The following NUMB variants were observed in gnomAD, a reference collection of about 807,000 sequenced individuals.
The protein encoded by NUMB is NUMB endocytic adaptor protein.
Under a neutral mutation model 59.7 loss-of-function variants are expected in NUMB, and 29 were observed. The observed-to-expected ratio is 0.49, with a 90% CI of 0.36 to 0.66. The LOEUF is 0.66. Ranked by LOEUF, NUMB falls within the 30% of genes least tolerant of loss-of-function variation. The probability of loss-of-function intolerance (pLI) is 0.00; values close to 1 mark genes in which losing one functional copy is unlikely to be tolerated. For missense variants in NUMB, 723 were observed against 822.0 expected (o/e 0.88, Z 1.47); for synonymous variants, 288 against 288.2 (o/e 1.00, Z 0.01).
chr14:73,282,835 T>A (rs1888722198), intron 10 of NUMB, among the ~76,000 whole-genome samples: 2 of 152,216 alleles, frequency 1.3e-5, no homozygotes, highest in Admixed American at 1.3e-4. Flanking sequence ...GCTAGCCAGA[T>A]CTTTGTAGAA....
Position 73,276,425 on chromosome 14 carries a change from C to A in NUMB, c.*153G>T, listed in dbSNP as rs1270487408. On this transcript the variant is annotated 3_prime_UTR_variant, in exon 13 of 13. Transcript: ENST00000555238. ...TTTTTCCCATGTCTTTCAAAATCAC[C>A]CCTCACAGTACTCTGGGCCTGGACT... 5.1e-6 allele frequency: 3 copies of A among 593,918 alleles called. No homozygotes were observed. Among genetic ancestry groups the A allele is most frequent in the Non-Finnish European group, 8.7e-6 (3 of 344,024 alleles). 36.8% of individuals were successfully genotyped at this position (593,918 alleles called of 1,614,324 possible). A position where few individuals can be genotyped will look rare whatever the true frequency, so the allele number is the denominator to read the frequency against.
intron 2 of NUMB, among the ~76,000 whole-genome samples, chr14:73,386,920 G>A (rs1895568565): frequency 8.5e-6 from 1 of 117,938 alleles, no homozygotes. Flanking sequence ...TCGCTCTGTC[G>A]CCCAGGCTGG....
At chr14:73,350,070 TACATACATACAC>T (rs1893147695) in intron 4 of NUMB, among the ~76,000 whole-genome samples, 2 of 110,292 alleles carry the variant, frequency 1.8e-5, no homozygotes, top group African/African-American at 7.9e-5. Context: ...TATACATACA[TACATACATACAC>T]ACACACACAC....
intron 2 of NUMB, among the ~76,000 whole-genome samples, chr14:73,385,701 C>G (rs1220668718): frequency 6.6e-5 from 10 of 151,646 alleles, no homozygotes; most frequent in African/African-American, 2.4e-4. Flanking sequence ...TGGGTTTCGT[C>G]ATGTTGGCCA....
At chr14:73,362,974 C>T (rs528172713) in intron 3 of NUMB, among the ~76,000 whole-genome samples, 2 of 150,860 alleles carry the variant, frequency 1.3e-5, no homozygotes, top group African/African-American at 4.9e-5. Flanking sequence ...CATAGTGAGA[C>T]CCTGTCTCTA....
chr14:73,427,217 G>A (rs1897621349), intron 1 of NUMB, among the ~76,000 whole-genome samples: 2 of 151,996 alleles, frequency 1.3e-5, no homozygotes, highest in South Asian at 2.1e-4. Context: ...GGTGGCTCAC[G>A]CCTGTAATCT....
At chr14:73,363,982 T>C in intron 3 of NUMB, among the ~76,000 whole-genome samples, 1 of 152,264 alleles carries the variant, frequency 6.6e-6, no homozygotes, top group East Asian at 1.9e-4. Flanking sequence ...TAAATCCAAC[T>C]GTATATTTTT....
chr14:73,421,904 C>T (rs1393474076), intron 1 of NUMB, among the ~76,000 whole-genome samples: 2 of 151,978 alleles, frequency 1.3e-5, no homozygotes, highest in Non-Finnish European at 2.9e-5. Flanking sequence ...TTTGGGAGGC[C>T]GAGGTGGGTG....
intron 12 of NUMB, among the ~76,000 whole-genome samples, chr14:73,279,080 C>T (rs1888422260): frequency 6.6e-6 from 1 of 152,196 alleles, no homozygotes; most frequent in Admixed American, 6.5e-5. Context: ...AGTCCTGTTC[C>T]ACAGTCCTAA....
chr14:73,351,380 G>A (rs1893250953), intron 4 of NUMB, among the ~76,000 whole-genome samples: 1 of 152,104 alleles, frequency 6.6e-6, no homozygotes, highest in South Asian at 2.1e-4. Context: ...GCTAAGGCAG[G>A]AGCATCATTT....
At chr14:73,330,949 A>G (rs907884696) in intron 4 of NUMB, among the ~76,000 whole-genome samples, 1 of 152,182 alleles carries the variant, frequency 6.6e-6, no homozygotes, top group African/African-American at 2.4e-5. Flanking sequence ...GGAAGCTGAC[A>G]ATACAACTCT....
intron 4 of NUMB, among the ~76,000 whole-genome samples, chr14:73,346,115 G>C (rs1225414828): frequency 6.6e-6 from 1 of 152,092 alleles, no homozygotes; most frequent in Non-Finnish European, 1.5e-5. Context: ...CTCACTTTGA[G>C]AAGCACTAGA....
At chr14:73,279,911 C>T (rs1310486960) in intron 11 of NUMB, among the ~76,000 whole-genome samples, 1 of 152,232 alleles carries the variant, frequency 6.6e-6, no homozygotes, top group Non-Finnish European at 1.5e-5. Context: ...AATCCCAGCA[C>T]TTTGGGAGGC....
At position 73,430,769 on chromosome 14, in the gene NUMB, G is replaced by A. The variant is rs530038504; in HGVS notation, c.-232-20701C>T. Reference sequence around the variant, plus strand: ...ATTCTGGCTAACACGGTGAAACCCCGTCTCTACTAGAAAAAAATACAAAAA... The same window carrying A: ...ATTCTGGCTAACACGGTGAAACCCCATCTCTACTAGAAAAAAATACAAAAA... On this transcript the variant is annotated intron_variant, in intron 1 of 12. Coordinates refer to ENST00000555238, the MANE Select transcript of NUMB (RefSeq NM_001005743.2). Among the ~76,000 whole-genome samples the A allele has an allele frequency of 8.9e-4, 135 of 151,124 alleles. 1 individual carries two copies. The highest frequency in any genetic ancestry group is 3.0e-3 in the African/African-American group (122 of 40,638).
chr14:73,302,007 T>C (rs1448613492), intron 6 of NUMB, among the ~76,000 whole-genome samples: 2 of 152,114 alleles, frequency 1.3e-5, no homozygotes, highest in African/African-American at 4.8e-5. Flanking sequence ...TGCTTGAACC[T>C]GGGAGGCAGA....
chr14:73,294,588 G>C (rs150465044), intron 7 of NUMB, among the ~76,000 whole-genome samples: 1 of 151,652 alleles, frequency 6.6e-6, no homozygotes, highest in African/African-American at 2.4e-5. Context: ...TGCAATCTCA[G>C]CTTACTGCAA....
intron 6 of NUMB, among the ~76,000 whole-genome samples, chr14:73,302,405 C>CTT (rs71112726): frequency 5.2e-5 from 6 of 115,022 alleles, no homozygotes; most frequent in East Asian, 2.8e-4. Flanking sequence ...TTCCACATTT[C>CTT]TTTTTTTTTT....
chr14:73,429,771 C>T (rs1450285656), intron 1 of NUMB, among the ~76,000 whole-genome samples: 3 of 151,940 alleles, frequency 2.0e-5, no homozygotes, highest in Non-Finnish European at 2.9e-5. Context: ...GGTGAAACCC[C>T]GTCTCTACTA....
chr14:73,293,393 C>CTTTTT (rs56116167), intron 7 of NUMB, among the ~76,000 whole-genome samples: 30 of 95,542 alleles, frequency 3.1e-4, no homozygotes, highest in Non-Finnish European at 4.3e-4. Context: ...GTTTCTTTTT[C>CTTTTT]TTTTTTTTTT....
Sources: allele counts gnomAD v4.1 joint callset (sites outside exome capture counted in the v4.1 genomes callset), GRCh38; gene constraint gnomAD v4.1.1; transcripts MANE v1.5; gene names NCBI Gene and HGNC (gene_info 2026-07-23, HGNC 2026-07-21).